Variants in KLHL32 observed in about 807,000 individuals in gnomAD.
KLHL32 encodes kelch-like protein 32.
KLHL32 carries 35 observed loss-of-function variants against 64.8 expected under a neutral mutation model. That is an observed-to-expected ratio of 0.54 (90% confidence interval 0.41 to 0.72). The LOEUF (loss-of-function observed/expected upper bound fraction) is 0.72, where lower values mean the gene tolerates loss of function less well. Among genes scored for constraint, KLHL32 ranks in the 30% least tolerant of loss-of-function variants. The pLI, the probability that KLHL32 is intolerant of heterozygous loss-of-function variation, is 0.00. For synonymous variants in KLHL32, 259 were observed against 281.0 expected, an observed-to-expected ratio of 0.92 and a Z score of 0.78; for missense variants, 589 against 768.5, an observed-to-expected ratio of 0.77 and a Z score of 2.76.
intron 4 of KLHL32, among the ~76,000 whole-genome samples, chr6:97,050,290 C>T (rs1786657099): frequency 6.6e-6 from 1 of 152,132 alleles, no homozygotes; most frequent in South Asian, 2.1e-4. Context: ...AACCCAAAAT[C>T]TGATTTGGAT....
chr6:96,967,922 GCATT>G (rs1370313020), intron 2 of KLHL32, among the ~76,000 whole-genome samples: 1 of 152,148 alleles, frequency 6.6e-6, no homozygotes, highest in East Asian at 1.9e-4. Flanking sequence ...AAAATGCATG[GCATT>G]CATTTGAATA....
chr6:97,072,743 T>C (rs1490348369), intron 5 of KLHL32, among the ~76,000 whole-genome samples: 2 of 152,210 alleles, frequency 1.3e-5, no homozygotes, highest in Non-Finnish European at 2.9e-5. Flanking sequence ...TTGGCTCACA[T>C]TGTCTCCTCT....
intron 6 of KLHL32, among the ~76,000 whole-genome samples, chr6:97,100,966 C>CTTGTTTTT (rs1795640393): frequency 1.4e-5 from 1 of 69,472 alleles, no homozygotes; most frequent in African/African-American, 7.1e-5. Flanking sequence ...TGCAGCCAAG[C>CTTGTTTTT]TTTTTTTTTT....
At chr6:97,073,080 G>A (rs1407126828) in intron 5 of KLHL32, among the ~76,000 whole-genome samples, 5 of 152,146 alleles carry the variant, frequency 3.3e-5, no homozygotes, top group African/African-American at 9.7e-5. Flanking sequence ...AACCAGAGCC[G>A]ATATAATGTG....
chr6:97,089,596 T>C (rs1793923461), intron 6 of KLHL32, among the ~76,000 whole-genome samples: 1 of 152,094 alleles, frequency 6.6e-6, no homozygotes, highest in Non-Finnish European at 1.5e-5. Flanking sequence ...CTGCCCAACA[T>C]AGTGAAACCC....
chr6:96,959,299 T>C (rs1305410435), intron 1 of KLHL32, among the ~76,000 whole-genome samples: 1 of 152,094 alleles, frequency 6.6e-6, no homozygotes, highest in East Asian at 1.9e-4. Context: ...CCGGGACAGC[T>C]TCTGAGCCAC....
intron 3 of KLHL32, among the ~76,000 whole-genome samples, chr6:97,041,146 G>A (rs1785053335): frequency 6.6e-6 from 1 of 152,190 alleles, no homozygotes; most frequent in Non-Finnish European, 1.5e-5. Context: ...TATTGGGCAG[G>A]ATGTTTGGCA....
intron 5 of KLHL32, among the ~76,000 whole-genome samples, chr6:97,065,278 G>C (rs1041954305): frequency 1.3e-5 from 2 of 152,250 alleles, no homozygotes; most frequent in East Asian, 3.9e-4. Context: ...GAAAACCCCC[G>C]AACACCAAGC....
chr6:97,070,140 A>G (rs774012415), intron 5 of KLHL32, among the ~76,000 whole-genome samples: 2 of 152,180 alleles, frequency 1.3e-5, no homozygotes, highest in Non-Finnish European at 2.9e-5. Context: ...CTCATAATCA[A>G]ATGCACTGAG....
At chr6:96,968,386 AAAAAC>A (rs369129832) in intron 2 of KLHL32, among the ~76,000 whole-genome samples, 16 of 151,414 alleles carry the variant, frequency 1.1e-4, no homozygotes, top group African/African-American at 3.4e-4. Context: ...AAACAAAAAC[AAAAAC>A]AAAAAAAAAA....
chr6:96,905,158 T>G, the KLHL32 span, among the ~76,000 whole-genome samples: 1 of 152,066 alleles, frequency 6.6e-6, no homozygotes, highest in Non-Finnish European at 1.5e-5. Flanking sequence ...CTACAGAAGG[T>G]AGTCTTGATA....
At chr6:97,112,031 TG>T (rs111336646) in intron 6 of KLHL32, among the ~76,000 whole-genome samples, 2 of 144,578 alleles carry the variant, frequency 1.4e-5, no homozygotes, top group African/African-American at 5.1e-5. Context: ...GGGTACAGGA[TG>T]GGGGGGTGGG....
rs191611745 is a variant in KLHL32 at position 97,118,359 on chromosome 6, C to T, written c.1354+3850C>T. On this transcript the variant is annotated intron_variant, in intron 7 of 10. Coordinates refer to ENST00000369261, the MANE Select transcript of KLHL32 (RefSeq NM_052904.4). ...AAAGGCCGGGTGCAGTGGCTCACGCCAGTAATCCCAGCACTTTGGGAGGCC... is the reference window on the plus strand; with the variant it reads ...AAAGGCCGGGTGCAGTGGCTCACGCTAGTAATCCCAGCACTTTGGGAGGCC... 3.6e-3 allele frequency among the ~76,000 whole-genome samples: 553 copies of T among 152,276 alleles called. 1 individual carries two copies. Among genetic ancestry groups the T allele is most frequent in the African/African-American group, 0.012 (508 of 41,562 alleles).
At chr6:96,991,806 C>A (rs1462046362) in intron 3 of KLHL32, among the ~76,000 whole-genome samples, 1 of 152,038 alleles carries the variant, frequency 6.6e-6, no homozygotes, top group Non-Finnish European at 1.5e-5. Context: ...AGAGCCCTAG[C>A]AGGGAGTGGC....
intron 3 of KLHL32, among the ~76,000 whole-genome samples, chr6:96,977,605 A>G (rs539303042): frequency 6.6e-6 from 1 of 152,302 alleles, no homozygotes; most frequent in African/African-American, 2.4e-5. Context: ...TAAAGCCTAA[A>G]TGTTACAGAC....
intron 3 of KLHL32, among the ~76,000 whole-genome samples, chr6:96,984,733 T>C (rs1776786871): frequency 2.6e-5 from 4 of 152,202 alleles, no homozygotes; most frequent in African/African-American, 7.2e-5. Flanking sequence ...TGGTGGATCT[T>C]CCTCCATCCT....
intron 6 of KLHL32, among the ~76,000 whole-genome samples, chr6:97,103,213 CTTTTTTTT>C (rs5878463): frequency 1.6e-5 from 2 of 121,386 alleles, no homozygotes; most frequent in South Asian, 5.2e-4. Flanking sequence ...TTGAATTTAT[CTTTTTTTT>C]TTTTTTTTTT....
intron 3 of KLHL32, among the ~76,000 whole-genome samples, chr6:97,005,330 C>T (rs1217990340): frequency 1.3e-5 from 2 of 151,900 alleles, no homozygotes; most frequent in Non-Finnish European, 2.9e-5. Flanking sequence ...GTAATGTCTC[C>T]TTTGTCATTT....
At chr6:96,948,030 A>G (rs535958096) in intron 1 of KLHL32, among the ~76,000 whole-genome samples, 7 of 152,288 alleles carry the variant, frequency 4.6e-5, no homozygotes, top group Admixed American at 1.3e-4. Context: ...CCTTTCTGGA[A>G]TCCAAGGCTA....
Sources: allele counts gnomAD v4.1 joint callset (sites outside exome capture counted in the v4.1 genomes callset), GRCh38; gene constraint gnomAD v4.1.1; transcripts MANE v1.5; gene names NCBI Gene and HGNC (gene_info 2026-07-23, HGNC 2026-07-21).